The following NTNG2 variants were observed in gnomAD, a reference collection of about 807,000 sequenced individuals.
NTNG2 encodes the protein netrin G2.
Under a neutral mutation model 47.6 loss-of-function variants are expected in NTNG2, and 15 were observed. The ratio of observed to expected loss-of-function variants is 0.32; its 90% confidence interval spans 0.21 to 0.49. NTNG2 has a LOEUF of 0.49. Ranked by LOEUF, NTNG2 falls within the 20% of genes least tolerant of loss-of-function variation. The pLI, the probability that NTNG2 is intolerant of heterozygous loss-of-function variation, is 0.99. For synonymous variants in NTNG2, 307 were observed against 324.6 expected (o/e 0.95, Z 0.58); for missense variants, 578 against 764.6 (o/e 0.76, Z 2.88).
intron 2 of NTNG2, among the ~76,000 whole-genome samples, chr9:132,179,190 G>A (rs1473501775): frequency 6.6e-6 from 1 of 152,212 alleles, no homozygotes; most frequent in African/African-American, 2.4e-5. Context: ...ACGTGCCCTG[G>A]ATCTGACTTC....
chr9:132,198,328 C>CGTGCTCTGCACCGA lies in NTNG2; in HGVS notation c.578_591dup (p.Glu198CysfsTer176). 1 of 1,612,786 alleles carries CGTGCTCTGCACCGA rather than the reference C, an allele frequency of 6.2e-7. No homozygotes were observed. Among genetic ancestry groups the CGTGCTCTGCACCGA allele is most frequent in the Non-Finnish European group, 8.5e-7 (1 of 1,179,876 alleles). ...ACATGTCATCCTCCAGCGCGCACCG[C>CGTGCTCTGCACCGA]GTGCTCTGCACCGAGGAGTACTCGC... On this transcript the variant is annotated frameshift_variant, in exon 3 of 8. Coordinates refer to ENST00000393229, the MANE Select transcript of NTNG2 (RefSeq NM_032536.4). LOFTEE classifies it high-confidence loss of function.
chr9:132,231,623 C>T lies in NTNG2; in HGVS notation c.1054+1028C>T. 3.5e-6 allele frequency: 1 copy of T among 283,586 alleles called. No individual in the cohort carries two copies. The highest frequency in any genetic ancestry group is 2.8e-5 in the South Asian group (1 of 36,082). 17.6% of individuals were successfully genotyped at this position (283,586 alleles called of 1,614,324 possible). A position where few individuals can be genotyped will look rare whatever the true frequency, so the allele number is the denominator to read the frequency against. On this transcript the variant is annotated intron_variant, in intron 5 of 7. Transcript: ENST00000393229. This position sits in a 1 kb window ranked among gnomAD's most constrained non-coding sequence, Gnocchi z 4.1. The stretch of plus-strand genomic sequence containing the variant: ...CCGGCAACCCCCCAACCCTCTCTTG[C>T]TTTTCCCATCTCTCACCAGGCATCA...
Position 132,215,396 on chromosome 9 carries a change from C to T in NTNG2, c.858-11453C>T, listed in dbSNP as rs558584809. On this transcript the variant is annotated intron_variant, in intron 3 of 7. Coordinates refer to ENST00000393229, the MANE Select transcript of NTNG2 (RefSeq NM_032536.4). This position sits in a 1 kb window ranked among gnomAD's most constrained non-coding sequence, Gnocchi z 4.2. ...AGGAGTTTGAGACCAGCCTGGCCAA[C>T]GTGGTGAAACCCCATCTCTACTAAA... is the stretch of plus-strand genomic sequence containing the variant. 9.9e-5 allele frequency among the ~76,000 whole-genome samples: 15 copies of T among 152,130 alleles called. No individual in the cohort carries two copies. The highest frequency in any genetic ancestry group is 7.7e-4 in the East Asian group (4 of 5,168).
At position 132,236,876 on chromosome 9, in the gene NTNG2, A is replaced by T. The variant is rs971641199; in HGVS notation, c.1055-2228A>T. Among the ~76,000 whole-genome samples, 2 of 152,228 alleles carry T rather than the reference A, an allele frequency of 1.3e-5. No individual in the cohort carries two copies. The highest frequency in any genetic ancestry group is 2.9e-5 in the Non-Finnish European group (2 of 68,034). ...TGACAGCACTTGCGAGTGGGACTCCAGGGACAGCGAAGGATTCACTTCGGC... is the reference window on the plus strand; with the variant it reads ...TGACAGCACTTGCGAGTGGGACTCCTGGGACAGCGAAGGATTCACTTCGGC... On this transcript the variant is annotated intron_variant, in intron 5 of 7. Coordinates refer to ENST00000393229, the MANE Select transcript of NTNG2 (RefSeq NM_032536.4). This position sits in a 1 kb window ranked among gnomAD's most constrained non-coding sequence, Gnocchi z 4.3.
chr9:132,241,548 T>C, intron 7 of NTNG2: 1 of 356,080 alleles, frequency 2.8e-6, no homozygotes, highest in Non-Finnish European at 5.1e-6. Context: ...AAGTCGGCGT[T>C]AGCCGCGGGC....
chr9:132,207,595 T>G (rs1839266914), intron 3 of NTNG2, among the ~76,000 whole-genome samples: 1 of 152,182 alleles, frequency 6.6e-6, no homozygotes, highest in African/African-American at 2.4e-5. Flanking sequence ...AAACCCCGTT[T>G]CCATGTAAGG....
intron 3 of NTNG2, among the ~76,000 whole-genome samples, chr9:132,214,065 T>C (rs1450959180): frequency 6.6e-6 from 1 of 152,190 alleles, no homozygotes; most frequent in Non-Finnish European, 1.5e-5. Flanking sequence ...GAGCCAGCCC[T>C]GGGGCCTCCT....
chr9:132,229,026 G>A (rs547639948), intron 4 of NTNG2, among the ~76,000 whole-genome samples: 1 of 152,252 alleles, frequency 6.6e-6, no homozygotes, highest in Admixed American at 6.5e-5. Context: ...AGGCCTGTAG[G>A]GGCTGGGCAG....
chr9:132,216,444 G>C (rs901363409), intron 3 of NTNG2, among the ~76,000 whole-genome samples: 11 of 149,082 alleles, frequency 7.4e-5, no homozygotes, highest in East Asian at 2.0e-4. Flanking sequence ...GTGTGTGTGT[G>C]TGTGTGTGTG....
At chr9:132,201,748 C>T (rs1213261550) in intron 3 of NTNG2, among the ~76,000 whole-genome samples, 7 of 152,206 alleles carry the variant, frequency 4.6e-5, no homozygotes, top group African/African-American at 1.4e-4. Flanking sequence ...CTGTTATTAA[C>T]GGCTTCATGT....
Position 132,224,430 on chromosome 9 carries a change from G to T in NTNG2, c.858-2419G>T, listed in dbSNP as rs114366000. On this transcript the variant is annotated intron_variant, in intron 3 of 7. Transcript: ENST00000393229. ...TGGCATCATAAAGAATGGTTTCACCGCCCTAAAAATCCCTGTGTGCCACCT... is the reference window on the plus strand; with the variant it reads ...TGGCATCATAAAGAATGGTTTCACCTCCCTAAAAATCCCTGTGTGCCACCT... Among the ~76,000 whole-genome samples the T allele has an allele frequency of 7.4e-3, 1,129 of 152,064 alleles. 12 individuals are homozygous for T. Among genetic ancestry groups the T allele is most frequent in the African/African-American group, 0.026 (1,086 of 41,456 alleles).
At position 132,162,064 on chromosome 9, in the gene NTNG2, A is replaced by ACGGCGG. The variant is rs568463296; in HGVS notation, c.-645_-640dup. 3.5e-4 allele frequency: 52 copies of ACGGCGG among 149,874 alleles called. No individual in the cohort carries two copies. In the South Asian group the frequency reaches 4.8e-3, roughly 14 times the overall value. 9.3% of individuals were successfully genotyped at this position (149,874 alleles called of 1,614,324 possible). ...CGGAGGGCTCCCTGGCCCCGATCTGACGGCGGCGGCGGCGGCGGCCACAGC... is the reference window on the plus strand; with the variant it reads ...CGGAGGGCTCCCTGGCCCCGATCTGACGGCGGCGGCGGCGGCGGCGGCGGCCACAGC... On this transcript the variant is annotated 5_prime_UTR_variant, in exon 1 of 8. Coordinates refer to ENST00000393229, the MANE Select transcript of NTNG2 (RefSeq NM_032536.4). The surrounding 1 kb of genome is among the most constrained non-coding windows in gnomAD (Gnocchi z 4.6).
At chr9:132,228,948 T>C (rs1463534923) in intron 4 of NTNG2, among the ~76,000 whole-genome samples, 1 of 152,022 alleles carries the variant, frequency 6.6e-6, no homozygotes, top group Non-Finnish European at 1.5e-5. Flanking sequence ...CAGTCACACC[T>C]AGGAGGATCC....
chr9:132,185,609 C>T (rs1046682065), intron 2 of NTNG2, among the ~76,000 whole-genome samples: 4 of 152,206 alleles, frequency 2.6e-5, no homozygotes, highest in Admixed American at 6.5e-5. Flanking sequence ...TGGGCTTCTC[C>T]GGATGTAGCC....
At chr9:132,179,395 A>T (rs1021558534) in intron 2 of NTNG2, among the ~76,000 whole-genome samples, 6 of 152,040 alleles carry the variant, frequency 3.9e-5, no homozygotes, top group Non-Finnish European at 7.4e-5. Context: ...CCCTGAGGGG[A>T]TCAAGAGCGT....
chr9:132,215,569 G>T lies in NTNG2; in HGVS notation c.858-11280G>T, dbSNP rs911143139. 7.9e-5 allele frequency among the ~76,000 whole-genome samples: 12 copies of T among 152,152 alleles called. No homozygotes were observed. The highest frequency in any genetic ancestry group is 2.6e-4 in the Admixed American group (4 of 15,286). On this transcript the variant is annotated intron_variant, in intron 3 of 7. Transcript: ENST00000393229. The surrounding 1 kb of genome is among the most constrained non-coding windows in gnomAD (Gnocchi z 4.2). ...CACTCCGGTCTAGATGACAAAGCGA[G>T]ATTCCATCTCAAAATAAGTAAATAA... is the stretch of plus-strand genomic sequence containing the variant.
rs753771242 is a variant in NTNG2, at chr9:132,226,889, G to A, written c.898G>A (p.Glu300Lys). The A allele has an allele frequency of 1.7e-5, 27 of 1,611,692 alleles. No individual in the cohort carries two copies. Among genetic ancestry groups the A allele is most frequent in the East Asian group, 2.2e-5 (1 of 44,794 alleles). ...GCACGCCAACCTGTGCTCCATGCGC[G>A]AGGGCAGCCTGCAGTGCGAGTGCGA... ...NLHANLCSMR[E>K]GSLQCECEHN... Residue 300 changes from glutamate (E) to lysine (K), a missense_variant, in exon 4 of 8, where the codon GAG becomes AAG. Coordinates refer to ENST00000393229, the MANE Select transcript of NTNG2 (RefSeq NM_032536.4). The surrounding 1 kb of genome is among the most constrained non-coding windows in gnomAD (Gnocchi z 4.8).
chr9:132,167,588 G>A (rs1835590780), intron 2 of NTNG2, among the ~76,000 whole-genome samples: 1 of 152,174 alleles, frequency 6.6e-6, no homozygotes, highest in African/African-American at 2.4e-5. Flanking sequence ...GATGAAGTTG[G>A]GGGTTAAGCT....
At chr9:132,227,059 T>C in intron 4 of NTNG2, 38 bp downstream of exon 4, 1 of 1,548,652 alleles carries the variant, frequency 6.5e-7, no homozygotes, top group Non-Finnish European at 8.7e-7. Flanking sequence ...CCCACATGGC[T>C]ATAATCTTCC....
Sources: gnomAD v4.1 joint callset for allele counts (sites outside exome capture counted in the v4.1 genomes callset) on GRCh38, gnomAD v4.1.1 for gene constraint, Gnocchi (gnomAD v3.1) non-coding constraint, MANE v1.5 for transcripts, NCBI Gene and HGNC (gene_info 2026-07-23, HGNC 2026-07-21) for gene names.